Variants in TSPAN9 observed in about 807,000 individuals in gnomAD.
TSPAN9 encodes tetraspanin-9.
A neutral mutation model predicts 31.0 loss-of-function variants in TSPAN9; 16 were observed. The ratio of observed to expected loss-of-function variants is 0.52; its 90% CI spans 0.35 to 0.78. TSPAN9 has a LOEUF of 0.78. TSPAN9 is among the 30% of genes least tolerant of loss of function. The pLI is 0.01. For synonymous variants in TSPAN9, 145 were observed against 121.6 expected, an observed-to-expected ratio of 1.19 and a Z score of -1.27; for missense variants, 272 against 312.5, an observed-to-expected ratio of 0.87 and a Z score of 0.98.
intron 3 of TSPAN9, among the ~76,000 whole-genome samples, chr12:3,245,138 T>C (rs1326734070): frequency 6.6e-6 from 1 of 152,224 alleles, no homozygotes; most frequent in African/African-American, 2.4e-5. Context: ...TTCCCTCTGC[T>C]TCTCTCTGGC....
chr12:3,212,737 G>A (rs2098379407), intron 3 of TSPAN9, among the ~76,000 whole-genome samples: 1 of 152,190 alleles, frequency 6.6e-6, no homozygotes, highest in African/African-American at 2.4e-5. Context: ...TCAGGGGTGA[G>A]CACCAGGTAT....
intron 3 of TSPAN9, among the ~76,000 whole-genome samples, chr12:3,276,691 C>T (rs1427020505): frequency 3.3e-5 from 5 of 152,290 alleles, no homozygotes; most frequent in East Asian, 1.9e-4. Context: ...ACTGCAGTTA[C>T]GTCATTTGTT....
chr12:3,198,806 ACACCAGCACAGCTCAC>A (rs1565610693), intron 2 of TSPAN9, among the ~76,000 whole-genome samples: 1 of 32,564 alleles, frequency 3.1e-5, no homozygotes, highest in African/African-American at 8.0e-5. Context: ...AGCACAGGTC[ACACCAGCACAGCTCAC>A]CACCAGCACA....
Position 3,283,231 on chromosome 12 carries a change from G to A in TSPAN9, c.*115G>A, listed in dbSNP as rs1185579427. The A allele has an allele frequency of 1.0e-5, 11 of 1,094,770 alleles. No individual in the cohort carries two copies. Among genetic ancestry groups the A allele is most frequent in the Non-Finnish European group, 1.4e-5 (11 of 768,026 alleles). 67.8% of individuals were successfully genotyped at this position (1,094,770 alleles called of 1,614,324 possible). A position where few individuals can be genotyped will look rare whatever the true frequency, so the allele number is the denominator to read the frequency against. ...ATGACCCCTGCACCCACCCCCCACA[G>A]CCTGCCCTACCCCACCTACCCTGCC... On this transcript the variant is annotated 3_prime_UTR_variant, in exon 9 of 9. Transcript: ENST00000011898.
At chr12:3,229,436 T>G (rs577139279) in intron 3 of TSPAN9, among the ~76,000 whole-genome samples, 1 of 152,352 alleles carries the variant, frequency 6.6e-6, no homozygotes, top group South Asian at 2.1e-4. Context: ...TTCACTCTTG[T>G]GTGGCTTCCT....
chr12:3,158,940 T>C (rs1460281139), intron 2 of TSPAN9, among the ~76,000 whole-genome samples: 7 of 151,712 alleles, frequency 4.6e-5, no homozygotes, highest in African/African-American at 1.7e-4. Flanking sequence ...TACTCCTCCT[T>C]TGCCCGGCAC....
In TSPAN9 at chr12:3,172,409, AC is replaced by A. The variant is rs2098352481; in HGVS notation, c.-17-28766del. The A allele has an allele frequency of 6.6e-6, 1 of 152,238 alleles. No individual in the cohort carries two copies. The highest frequency in any genetic ancestry group is 6.5e-5 in the Admixed American group (1 of 15,286). 9.4% of individuals were successfully genotyped at this position (152,238 alleles called of 1,614,324 possible). On this transcript the variant is annotated intron_variant, in intron 2 of 8. Transcript: ENST00000011898. The surrounding 1 kb of genome is among the most constrained non-coding windows in gnomAD (Gnocchi z 4.8). ...TGTGGACGAGTGCTTAGCTTTGCAG[AC>A]CTGATTCTTTATCTCTAAAACGAGA...
At chr12:3,087,439 A>G (rs1200085173) in intron 2 of TSPAN9, among the ~76,000 whole-genome samples, 1 of 151,516 alleles carries the variant, frequency 6.6e-6, no homozygotes, top group Non-Finnish European at 1.5e-5. Context: ...GCTTAAGCCC[A>G]GAAAGTTGAG....
At chr12:3,165,363 A>G (rs2153969776) in intron 2 of TSPAN9, among the ~76,000 whole-genome samples, 1 of 152,316 alleles carries the variant, frequency 6.6e-6, no homozygotes, top group Non-Finnish European at 1.5e-5. Flanking sequence ...TTTGCCAGGA[A>G]TCAGGGTTCA....
chr12:3,230,679 C>T (rs559057031), intron 3 of TSPAN9, among the ~76,000 whole-genome samples: 1 of 152,066 alleles, frequency 6.6e-6, no homozygotes, highest in Non-Finnish European at 1.5e-5. Context: ...CCACACTGCT[C>T]TGGGAACTGA....
chr12:3,189,335 CAG>C (rs1342957870), intron 2 of TSPAN9, among the ~76,000 whole-genome samples: 1 of 152,194 alleles, frequency 6.6e-6, no homozygotes. Flanking sequence ...AGAAGGCTGA[CAG>C]AGTACCATGT....
At chr12:3,209,730 C>T (rs1014552942) in intron 3 of TSPAN9, among the ~76,000 whole-genome samples, 1 of 151,660 alleles carries the variant, frequency 6.6e-6, no homozygotes, top group African/African-American at 2.4e-5. Flanking sequence ...GAGGCCGAGG[C>T]GGGCGGATCA....
At chr12:3,141,883 CA>C (rs2153967804) in intron 2 of TSPAN9, among the ~76,000 whole-genome samples, 1 of 152,324 alleles carries the variant, frequency 6.6e-6, no homozygotes, top group Non-Finnish European at 1.5e-5. Context: ...CTCCCAGTGG[CA>C]GCCACCTCAG....
chr12:3,128,540 A>G (rs1232833701), intron 2 of TSPAN9, among the ~76,000 whole-genome samples: 1 of 152,210 alleles, frequency 6.6e-6, no homozygotes, highest in Admixed American at 6.5e-5. Context: ...CCTGGGCAAC[A>G]TAGTGAGACC....
intron 2 of TSPAN9, among the ~76,000 whole-genome samples, chr12:3,095,266 ACTT>A (rs1422169927): frequency 7.0e-6 from 1 of 142,020 alleles, no homozygotes; most frequent in East Asian, 2.0e-4. Context: ...TCCCATGTCT[ACTT>A]CTTTCTACAC....
In TSPAN9 at chr12:3,180,318, C is replaced by T. The variant is rs150395419; in HGVS notation, c.-17-20859C>T. On this transcript the variant is annotated intron_variant, in intron 2 of 8. Transcript: ENST00000011898. ...GGTTGCTTGAGTAACATAGTGAGACCCTGTCTCTACAGAAAAAATAAAATT... is the reference window on the plus strand; with the variant it reads ...GGTTGCTTGAGTAACATAGTGAGACTCTGTCTCTACAGAAAAAATAAAATT... 9.5e-3 allele frequency among the ~76,000 whole-genome samples: 1,444 copies of T among 152,066 alleles called. 10 individuals carry two copies. Among genetic ancestry groups the T allele is most frequent in the Non-Finnish European group, 0.017 (1,129 of 67,988 alleles).
chr12:3,156,407 G>A (rs535804346), intron 2 of TSPAN9, among the ~76,000 whole-genome samples: 4 of 152,308 alleles, frequency 2.6e-5, no homozygotes, highest in Non-Finnish European at 5.9e-5. Flanking sequence ...AGGAGATAGG[G>A]TGCTGATAGA....
chr12:3,174,312 C>T (rs1424595083), intron 2 of TSPAN9, among the ~76,000 whole-genome samples: 1 of 152,220 alleles, frequency 6.6e-6, no homozygotes, highest in Non-Finnish European at 1.5e-5. Context: ...AGCGATCCTC[C>T]CACCTAAGCC....
chr12:3,201,142 G>A, intron 2 of TSPAN9, 35 bp from the exon 3 acceptor site: 1 of 1,581,240 alleles, frequency 6.3e-7, no homozygotes, highest in Non-Finnish European at 8.7e-7. Context: ...AGTACGTGGT[G>A]TTTTACCTGG....
Sources: allele counts gnomAD v4.1 joint callset (sites outside exome capture counted in the v4.1 genomes callset), GRCh38; gene constraint gnomAD v4.1.1; non-coding constraint Gnocchi (gnomAD v3.1); transcripts MANE v1.5; gene names NCBI Gene and HGNC (gene_info 2026-07-23, HGNC 2026-07-21).